Variants in COL19A1 observed in about 807,000 individuals in gnomAD.
The protein encoded by COL19A1 is collagen type XIX alpha 1 chain.
In COL19A1, 159 loss-of-function variants were observed where a neutral mutation model predicts 190.2. The observed-to-expected ratio is 0.84, with a 90% CI of 0.73 to 0.95. The LOEUF (loss-of-function observed/expected upper bound fraction) is 0.95. Ranked by LOEUF, COL19A1 falls within the 40% of genes least tolerant of loss-of-function variation. The probability of loss-of-function intolerance (pLI) is 0.00; values close to 1 mark genes in which losing one functional copy is unlikely to be tolerated. For synonymous variants in COL19A1, 509 were observed against 458.9 expected (o/e 1.11, Z -1.39); for missense variants, 1,418 against 1,431.9 (o/e 0.99, Z 0.16).
At chr6:69,935,282 G>C (rs1455329047) in intron 7 of COL19A1, among the ~76,000 whole-genome samples, 2 of 152,146 alleles carry the variant, frequency 1.3e-5, no homozygotes, top group African/African-American at 4.8e-5. Flanking sequence ...TGTATGTTTG[G>C]TGTTGCCTCT....
chr6:70,173,243 T>G (rs999778953), intron 41 of COL19A1, among the ~76,000 whole-genome samples: 1 of 152,082 alleles, frequency 6.6e-6, no homozygotes, highest in African/African-American at 2.4e-5. Flanking sequence ...AAGTAAGGAA[T>G]GTGGAAAAGA....
At chr6:69,876,996 A>C (rs1768168752) in intron 1 of COL19A1, among the ~76,000 whole-genome samples, 1 of 152,220 alleles carries the variant, frequency 6.6e-6, no homozygotes, top group Admixed American at 6.5e-5. Context: ...ATCTTGAATT[A>C]ATTTTAAAAT....
At chr6:70,142,511 C>T (rs1786322966) in intron 22 of COL19A1, among the ~76,000 whole-genome samples, 1 of 152,122 alleles carries the variant, frequency 6.6e-6, no homozygotes, top group Non-Finnish European at 1.5e-5. Context: ...ATGTGGTGTA[C>T]TCCCAGACAA....
chr6:70,055,534 C>T (rs1780445442), intron 14 of COL19A1, among the ~76,000 whole-genome samples: 1 of 151,998 alleles, frequency 6.6e-6, no homozygotes, highest in Non-Finnish European at 1.5e-5. Context: ...GTAATCCCAG[C>T]ACCTTGGGGG....
intron 31 of COL19A1, among the ~76,000 whole-genome samples, chr6:70,154,555 A>G (rs1179270510): frequency 6.6e-6 from 1 of 152,196 alleles, no homozygotes; most frequent in Non-Finnish European, 1.5e-5. Flanking sequence ...GGACAGAACT[A>G]ATAGTATATA....
chr6:69,875,068 C>T (rs768817544), intron 1 of COL19A1, among the ~76,000 whole-genome samples: 4 of 152,184 alleles, frequency 2.6e-5, no homozygotes, highest in Non-Finnish European at 2.9e-5. Flanking sequence ...GAGCAATAAA[C>T]ATACGTATAC....
intron 4 of COL19A1, among the ~76,000 whole-genome samples, chr6:69,917,885 G>C (rs942920563): frequency 6.6e-6 from 1 of 152,132 alleles, no homozygotes; most frequent in African/African-American, 2.4e-5. Context: ...TTTGTGTTTG[G>C]GCTGCTTCAA....
intron 44 of COL19A1, among the ~76,000 whole-genome samples, chr6:70,181,128 C>T (rs1018422137): frequency 6.6e-6 from 1 of 152,262 alleles, no homozygotes; most frequent in African/African-American, 2.4e-5. Flanking sequence ...GGGAGGGGAT[C>T]TAAGATGAAT....
At chr6:70,183,079 A>G (rs1766283026) in intron 44 of COL19A1, among the ~76,000 whole-genome samples, 1 of 152,164 alleles carries the variant, frequency 6.6e-6, no homozygotes, top group African/African-American at 2.4e-5. Flanking sequence ...TGGAAGAGAC[A>G]GGAAAATGTG....
intron 14 of COL19A1, among the ~76,000 whole-genome samples, chr6:70,055,646 G>A (rs555059237): frequency 2.0e-5 from 3 of 151,948 alleles, no homozygotes; most frequent in South Asian, 4.2e-4. Flanking sequence ...GCCAAGTGTG[G>A]TGGTGGGTTC....
intron 1 of COL19A1, among the ~76,000 whole-genome samples, chr6:69,871,477 T>A (rs946983808): frequency 6.6e-6 from 1 of 152,206 alleles, no homozygotes; most frequent in Non-Finnish European, 1.5e-5. Flanking sequence ...GTTCTTTGAG[T>A]CATTTAACAA....
At chr6:70,100,584 G>A (rs1783570094) in intron 15 of COL19A1, among the ~76,000 whole-genome samples, 2 of 141,966 alleles carry the variant, frequency 1.4e-5, no homozygotes, top group South Asian at 4.4e-4. Flanking sequence ...AGGCTGGAGT[G>A]CAATTCTCCC....
At chr6:70,162,945 A>C (rs1363545448) in intron 35 of COL19A1, among the ~76,000 whole-genome samples, 2 of 152,220 alleles carry the variant, frequency 1.3e-5, no homozygotes, top group African/African-American at 4.8e-5. Context: ...AATGCAGATC[A>C]TAGAACTCAA....
At chr6:70,037,027 G>C (rs1230803964) in intron 14 of COL19A1, among the ~76,000 whole-genome samples, 4 of 152,204 alleles carry the variant, frequency 2.6e-5, no homozygotes, top group East Asian at 3.9e-4. Flanking sequence ...CTTACTTGGG[G>C]ATAACTCATT....
chr6:70,091,900 A>G (rs1018942204), intron 15 of COL19A1, among the ~76,000 whole-genome samples: 2 of 152,202 alleles, frequency 1.3e-5, no homozygotes, highest in African/African-American at 4.8e-5. Context: ...ACTTTTACCC[A>G]GTTACAGCTT....
In COL19A1 at chr6:70,209,969, T is replaced by C. The variant is rs1768091782; in HGVS notation, c.*2695T>C. ...CAAAGTAGGGTGGGAAGTTTTCCTC[T>C]AAATGACTTGATGGTTGCCAAATCC... On this transcript the variant is annotated 3_prime_UTR_variant, in exon 51 of 51. Coordinates refer to ENST00000620364, the MANE Select transcript of COL19A1 (RefSeq NM_001858.6). 6.6e-6 allele frequency: 1 copy of C among 152,208 alleles called. No individual in the cohort carries two copies. The highest frequency in any genetic ancestry group is 1.5e-5 in the Non-Finnish European group (1 of 68,008). The allele number at this position is 152,208 out of a possible 1,614,324, so 9.4% of individuals were successfully genotyped here.
chr6:69,916,326 C>A (rs1771304675), intron 4 of COL19A1, among the ~76,000 whole-genome samples: 1 of 152,114 alleles, frequency 6.6e-6, no homozygotes, highest in Admixed American at 6.5e-5. Context: ...ACATGTACCC[C>A]AGGACTTAAA....
intron 8 of COL19A1, among the ~76,000 whole-genome samples, chr6:69,937,618 T>C (rs1773193219): frequency 6.6e-6 from 1 of 152,156 alleles, no homozygotes; most frequent in Admixed American, 6.6e-5. Context: ...GCACTGTGAC[T>C]TAAAACATGT....
chr6:69,955,130 C>T (rs1186220510), intron 9 of COL19A1, among the ~76,000 whole-genome samples: 1 of 152,094 alleles, frequency 6.6e-6, no homozygotes, highest in Non-Finnish European at 1.5e-5. Flanking sequence ...GACTCTCTTA[C>T]AGTTAGTCTC....
Sources: gnomAD v4.1 joint callset for allele counts (sites outside exome capture counted in the v4.1 genomes callset) on GRCh38, gnomAD v4.1.1 for gene constraint, MANE v1.5 for transcripts, NCBI Gene and HGNC (gene_info 2026-07-23, HGNC 2026-07-21) for gene names.